SPIDR: variants seen among roughly 807,000 people sequenced by gnomAD.
SPIDR encodes scaffold protein involved in DNA repair.
Under a neutral mutation model 104.6 loss-of-function variants are expected in SPIDR, and 93 were observed. The observed-to-expected ratio is 0.89, with a 90% confidence interval of 0.75 to 1.06. The LOEUF is 1.06. SPIDR is among the 50% of genes least tolerant of loss of function. The probability of loss-of-function intolerance (pLI) is 0.00; values close to 1 mark genes in which losing one functional copy is unlikely to be tolerated. For synonymous variants in SPIDR, 431 were observed against 416.9 expected, an observed-to-expected ratio of 1.03 and a Z score of -0.41; for missense variants, 1,154 against 1,111.2, an observed-to-expected ratio of 1.04 and a Z score of -0.55.
At chr8:47,318,292 C>T (rs1009755245) in intron 5 of SPIDR, among the ~76,000 whole-genome samples, 9 of 151,896 alleles carry the variant, frequency 5.9e-5, no homozygotes, top group Admixed American at 5.3e-4. Flanking sequence ...AACTACGTGA[C>T]GAATGCACAA....
intron 10 of SPIDR, among the ~76,000 whole-genome samples, chr8:47,664,846 A>C (rs1459522819): frequency 6.6e-6 from 1 of 151,702 alleles, no homozygotes. Context: ...CAGTGAGCCA[A>C]GATTGTGCCA....
intron 11 of SPIDR, among the ~76,000 whole-genome samples, chr8:47,683,099 A>G (rs1272359281): frequency 1.3e-5 from 2 of 152,242 alleles, no homozygotes. Context: ...CTAAGCATTA[A>G]CAATTCCCAG....
chr8:47,607,017 T>C (rs962778355), intron 10 of SPIDR, among the ~76,000 whole-genome samples: 13 of 152,246 alleles, frequency 8.5e-5, no homozygotes, highest in African/African-American at 2.7e-4. Flanking sequence ...CACCACATAC[T>C]GCCAGAGCTG....
chr8:47,729,764 G>A (rs1439519217), intron 19 of SPIDR: 1 of 358,442 alleles, frequency 2.8e-6, no homozygotes, highest in Non-Finnish European at 5.1e-6. Context: ...CTCTGTCCAG[G>A]CTAGAGCACA....
intron 5 of SPIDR, among the ~76,000 whole-genome samples, chr8:47,340,469 G>C (rs879969013): frequency 3.3e-5 from 5 of 152,110 alleles, no homozygotes; most frequent in African/African-American, 1.2e-4. Flanking sequence ...TCTGGACATG[G>C]TGGCACCCTG....
intron 14 of SPIDR, among the ~76,000 whole-genome samples, chr8:47,710,694 C>T (rs567379182): frequency 3.8e-4 from 58 of 152,210 alleles, no homozygotes; most frequent in African/African-American, 9.4e-4. Flanking sequence ...TCTTGAACTC[C>T]CGACCTCAGG....
At chr8:47,288,516 C>T (rs2039292558) in intron 3 of SPIDR, among the ~76,000 whole-genome samples, 1 of 152,156 alleles carries the variant, frequency 6.6e-6, no homozygotes, top group Non-Finnish European at 1.5e-5. Flanking sequence ...GAACTTCTGA[C>T]CTCGTGATCC....
At chr8:47,299,070 C>T (rs1563523270) in intron 5 of SPIDR, among the ~76,000 whole-genome samples, 2 of 148,752 alleles carry the variant, frequency 1.3e-5, no homozygotes, top group East Asian at 1.9e-4. Flanking sequence ...ACGATATTGA[C>T]TCTTCCTACC....
chr8:47,640,634 A>G (rs1299629280), intron 10 of SPIDR, among the ~76,000 whole-genome samples: 2 of 151,738 alleles, frequency 1.3e-5, no homozygotes, highest in Non-Finnish European at 2.9e-5. Context: ...ATAAAATTTT[A>G]TGCTATGGAC....
chr8:47,454,880 CA>C (rs756365854), intron 8 of SPIDR, among the ~76,000 whole-genome samples: 15 of 147,878 alleles, frequency 1.0e-4, no homozygotes, highest in African/African-American at 2.5e-4. Context: ...ACTGCTGTCT[CA>C]AAAAAAAATA....
At chr8:47,703,255 A>G (rs1589350265) in intron 14 of SPIDR, among the ~76,000 whole-genome samples, 1 of 152,182 alleles carries the variant, frequency 6.6e-6, no homozygotes, top group East Asian at 1.9e-4. Context: ...TCTGTTGTGC[A>G]TTTATTTTGA....
chr8:47,275,030 C>T (rs1046223645), intron 1 of SPIDR, among the ~76,000 whole-genome samples: 60 of 151,488 alleles, frequency 4.0e-4, no homozygotes, highest in Non-Finnish European at 8.1e-4. Context: ...GAGGCCGAGG[C>T]GGGTGGATCA....
chr8:47,462,209 G>A (rs868994760), intron 8 of SPIDR, among the ~76,000 whole-genome samples: 1 of 152,098 alleles, frequency 6.6e-6, no homozygotes, highest in Non-Finnish European at 1.5e-5. Context: ...ATTCAGCAGG[G>A]CTGCCAAGCC....
chr8:47,496,912 A>G (rs1296130997), intron 8 of SPIDR, among the ~76,000 whole-genome samples: 2 of 151,958 alleles, frequency 1.3e-5, no homozygotes, highest in South Asian at 2.1e-4. Flanking sequence ...TTTAATTTCT[A>G]CCTGTCAGTT....
rs1563597976 is a variant in SPIDR, at chr8:47,702,099, ACACACAC to A, written c.1977+85_1977+91del. ...CTCTCTCTCTCTCTCTCTCTCTCTT[ACACACAC>A]ACACACACACACACACACACACACA... On this transcript the variant is annotated intron_variant, in intron 14 of 19. Transcript: ENST00000297423. The A allele has an allele frequency of 4.8e-4, 26 of 54,130 alleles. 2 individuals are homozygous for A. The highest frequency in any genetic ancestry group is 7.1e-4 in the Non-Finnish European group (22 of 31,200). 3.4% of individuals were successfully genotyped at this position (54,130 alleles called of 1,614,324 possible). A position where few individuals can be genotyped will look rare whatever the true frequency, so the allele number is the denominator to read the frequency against.
At chr8:47,581,726 G>A (rs1018299362) in intron 8 of SPIDR, among the ~76,000 whole-genome samples, 2 of 152,062 alleles carry the variant, frequency 1.3e-5, no homozygotes, top group African/African-American at 4.8e-5. Context: ...TCCCCCTTTA[G>A]ATAGCTAACC....
In SPIDR at chr8:47,735,347, T is replaced by G. The variant is rs776820888; in HGVS notation, c.2645T>G (p.Leu882Trp). ...VKSVLGKEVG[L>W]LNCFVQSVTA... ...AGTGTCCTCGGAAAGGAAGTGGGGT[T>G]GTTAAATTGTTTTGTCCAGTCCGTA... is the stretch of plus-strand genomic sequence containing the variant. Residue 882 changes from leucine to tryptophan, a missense_variant, in exon 20 of 20, where the codon TTG (leucine) becomes TGG (tryptophan). Physicochemically the swap from Leu to Trp is moderately conservative, Grantham distance 61. Coordinates refer to ENST00000297423, the MANE Select transcript of SPIDR (RefSeq NM_001080394.4). The G allele has an allele frequency of 6.2e-6, 10 of 1,614,050 alleles. No individual in the cohort carries two copies. In the South Asian group the frequency reaches 1.1e-4, roughly 18 times the overall value.
At chr8:47,429,020 CAGA>C (rs1277145036) in intron 7 of SPIDR, among the ~76,000 whole-genome samples, 2 of 152,118 alleles carry the variant, frequency 1.3e-5, no homozygotes, top group African/African-American at 2.4e-5. Context: ...AGTCGTGAGC[CAGA>C]AGATTTTGCG....
chr8:47,526,294 C>T (rs1041628279), intron 8 of SPIDR, among the ~76,000 whole-genome samples: 1 of 152,120 alleles, frequency 6.6e-6, no homozygotes, highest in Admixed American at 6.5e-5. Context: ...TGGTCTGGTC[C>T]ATTGGATTAG....
Sources: gnomAD v4.1 joint callset for allele counts (sites outside exome capture counted in the v4.1 genomes callset) on GRCh38, gnomAD v4.1.1 for gene constraint, MANE v1.5 for transcripts, NCBI Gene and HGNC (gene_info 2026-07-23, HGNC 2026-07-21) for gene names.